HIPK2: variants seen among roughly 807,000 people sequenced by gnomAD.
HIPK2 encodes homeodomain interacting protein kinase 2, also known as homeodomain-interacting protein kinase 2.
Under a neutral mutation model 113.7 loss-of-function variants are expected in HIPK2, and 27 were observed. The observed-to-expected ratio is 0.24, with a 90% CI of 0.17 to 0.33. The LOEUF (loss-of-function observed/expected upper bound fraction) is 0.33, where lower values mean the gene tolerates loss of function less well. Among genes scored for constraint, HIPK2 ranks in the 10% least tolerant of loss-of-function variants. The pLI is 1.00. For synonymous variants in HIPK2, 631 were observed against 642.2 expected (o/e 0.98, Z 0.26); for missense variants, 1,257 against 1,588.0 (o/e 0.79, Z 3.54).
chr7:139,738,931 G>A (rs527767587), intron 1 of HIPK2, among the ~76,000 whole-genome samples: 2 of 152,106 alleles, frequency 1.3e-5, no homozygotes, highest in East Asian at 3.8e-4. Context: ...TGAATATTGT[G>A]GAGGCCACAG....
chr7:139,768,228 G>T (rs1354995748), intron 1 of HIPK2, among the ~76,000 whole-genome samples: 1 of 152,218 alleles, frequency 6.6e-6, no homozygotes, highest in African/African-American at 2.4e-5. Context: ...TCCCTAGTTT[G>T]TGTCTTATAA....
chr7:139,636,163 C>A (rs1466544289), intron 2 of HIPK2, among the ~76,000 whole-genome samples: 1 of 152,116 alleles, frequency 6.6e-6, no homozygotes, highest in Admixed American at 6.5e-5. Flanking sequence ...ATTTTTTTCA[C>A]GCGGGTGATC....
intron 2 of HIPK2, among the ~76,000 whole-genome samples, chr7:139,702,614 G>C (rs1263650797): frequency 3.9e-5 from 6 of 152,190 alleles, no homozygotes; most frequent in African/African-American, 1.4e-4. Flanking sequence ...GGTTGCCACA[G>C]GGGAAAGCTG....
chr7:139,764,697 G>A (rs772380645), intron 1 of HIPK2, among the ~76,000 whole-genome samples: 45 of 152,262 alleles, frequency 3.0e-4, no homozygotes, highest in Admixed American at 1.3e-3. Flanking sequence ...ACAGATAGAG[G>A]GAGCATTGAA....
intron 13 of HIPK2, among the ~76,000 whole-genome samples, chr7:139,582,632 C>T (rs959324023): frequency 5.3e-5 from 8 of 152,226 alleles, no homozygotes; most frequent in African/African-American, 9.7e-5. Flanking sequence ...AGAGCTTCGC[C>T]GCAAATGTCG....
chr7:139,702,784 A>ATCT (rs1195081400), intron 2 of HIPK2, among the ~76,000 whole-genome samples: 1 of 152,202 alleles, frequency 6.6e-6, no homozygotes, highest in Admixed American at 6.5e-5. Context: ...CTCAGCCTTC[A>ATCT]TCTTCTCTCT....
chr7:139,669,514 A>G (rs1017722537), intron 2 of HIPK2, among the ~76,000 whole-genome samples: 1 of 152,202 alleles, frequency 6.6e-6, no homozygotes. Flanking sequence ...GGTTCTCCAA[A>G]ATGTATCTGT....
At chr7:139,724,537 T>A (rs1028647399) in intron 1 of HIPK2, among the ~76,000 whole-genome samples, 1 of 152,256 alleles carries the variant, frequency 6.6e-6, no homozygotes, top group African/African-American at 2.4e-5. Flanking sequence ...TCTTTTTTTT[T>A]ATTATTATTA....
rs574428694 is a variant in HIPK2 at position 139,662,283 on chromosome 7, T to G, written c.1104-30558A>C. ...TTCACACACTTGTCAAGTGCCTAGT[T>G]GAAATTTAGAATGTACTTTTAGCAG... On this transcript the variant is annotated intron_variant, in intron 2 of 14. Transcript: ENST00000406875. Among the ~76,000 whole-genome samples the G allele has an allele frequency of 5.4e-4, 82 of 152,332 alleles. 1 individual carries two copies. Among genetic ancestry groups the G allele is most frequent in the Non-Finnish European group, 9.8e-4 (67 of 68,034 alleles).
intron 2 of HIPK2, among the ~76,000 whole-genome samples, chr7:139,662,909 G>A (rs745788102): frequency 3.3e-5 from 5 of 152,042 alleles, no homozygotes; most frequent in Non-Finnish European, 5.9e-5. Context: ...ATGAGCCATC[G>A]TGCCTGGCCT....
At chr7:139,705,453 T>C (rs1280287958) in intron 2 of HIPK2, among the ~76,000 whole-genome samples, 1 of 152,054 alleles carries the variant, frequency 6.6e-6, no homozygotes, top group Admixed American at 6.5e-5. Context: ...CTCGGCTCAC[T>C]GCAAGCTCCG....
At chr7:139,768,182 T>C (rs1246599862) in intron 1 of HIPK2, among the ~76,000 whole-genome samples, 19 of 152,224 alleles carry the variant, frequency 1.2e-4, no homozygotes, top group Non-Finnish European at 2.6e-4. Context: ...CTTCACACTC[T>C]TGACCCAAGA....
chr7:139,634,339 C>G (rs908698039), intron 2 of HIPK2, among the ~76,000 whole-genome samples: 1 of 151,996 alleles, frequency 6.6e-6, no homozygotes, highest in Non-Finnish European at 1.5e-5. Flanking sequence ...CACTTCACCC[C>G]CTTTGGCCTT....
At chr7:139,699,276 G>C (rs1794644102) in intron 2 of HIPK2, among the ~76,000 whole-genome samples, 1 of 152,106 alleles carries the variant, frequency 6.6e-6, no homozygotes, top group African/African-American at 2.4e-5. Flanking sequence ...AGGCGATGTT[G>C]TCATGTTTCA....
intron 1 of HIPK2, among the ~76,000 whole-genome samples, chr7:139,761,416 A>T (rs1302518818): frequency 2.0e-5 from 3 of 152,360 alleles, no homozygotes; most frequent in South Asian, 2.1e-4. Flanking sequence ...CCAGGGGTCA[A>T]TCTCAGCATC....
chr7:139,760,436 C>T (rs1796444886), intron 1 of HIPK2, among the ~76,000 whole-genome samples: 1 of 152,114 alleles, frequency 6.6e-6, no homozygotes, highest in Non-Finnish European at 1.5e-5. Context: ...GGGTGACATG[C>T]TCTCTGAGGA....
At chr7:139,580,038 T>C (rs1432097959) in intron 13 of HIPK2, among the ~76,000 whole-genome samples, 1 of 152,232 alleles carries the variant, frequency 6.6e-6, no homozygotes, top group East Asian at 1.9e-4. Flanking sequence ...GGGATTTTTG[T>C]GGACTCAATG....
chr7:139,660,659 A>G (rs1316680536), intron 2 of HIPK2, among the ~76,000 whole-genome samples: 1 of 152,178 alleles, frequency 6.6e-6, no homozygotes, highest in African/African-American at 2.4e-5. Context: ...TCCAAATCCT[A>G]TTTCACTGGT....
intron 6 of HIPK2, among the ~76,000 whole-genome samples, chr7:139,625,725 G>C (rs895336285): frequency 6.6e-6 from 1 of 152,140 alleles, no homozygotes; most frequent in African/African-American, 2.4e-5. Context: ...CCTGATACTT[G>C]TCCTCATAGC....
Sources: allele counts gnomAD v4.1 joint callset (sites outside exome capture counted in the v4.1 genomes callset), GRCh38; gene constraint gnomAD v4.1.1; transcripts MANE v1.5; gene names NCBI Gene and HGNC (gene_info 2026-07-23, HGNC 2026-07-21).